The following RPS6KA2 variants were observed in gnomAD, a reference collection of about 807,000 sequenced individuals.
RPS6KA2 encodes the protein ribosomal protein S6 kinase alpha-2.
In RPS6KA2, 42 loss-of-function variants were observed where a neutral mutation model predicts 91.8. That is an observed-to-expected ratio of 0.46 (90% CI 0.36 to 0.59). The LOEUF is 0.59. Among genes scored for constraint, RPS6KA2 ranks in the 20% least tolerant of loss-of-function variants. RPS6KA2 has a pLI of 0.00. For synonymous variants in RPS6KA2, 414 were observed against 393.6 expected, an observed-to-expected ratio of 1.05 and a Z score of -0.61; for missense variants, 798 against 978.5, an observed-to-expected ratio of 0.82 and a Z score of 2.46.
At chr6:166,704,633 A>G (rs1789624225) in intron 2 of RPS6KA2, among the ~76,000 whole-genome samples, 3 of 152,184 alleles carry the variant, frequency 2.0e-5, no homozygotes, top group African/African-American at 7.2e-5. Context: ...CTGTCTGGCC[A>G]TGTGTTTGGG....
chr6:166,560,716 C>G (rs1784317863), intron 1 of RPS6KA2, among the ~76,000 whole-genome samples: 1 of 152,080 alleles, frequency 6.6e-6, no homozygotes, highest in African/African-American at 2.4e-5. Flanking sequence ...AGGGGGTGGC[C>G]TGGGCAGAGG....
intron 2 of RPS6KA2, among the ~76,000 whole-genome samples, chr6:166,646,145 G>A (rs1229502975): frequency 6.6e-6 from 1 of 152,182 alleles, no homozygotes; most frequent in Non-Finnish European, 1.5e-5. Flanking sequence ...CCCAGGGGTG[G>A]CTTGGTTTCC....
Position 166,423,816 on chromosome 6 carries a change from C to T in RPS6KA2, c.1582-399G>A, listed in dbSNP as rs1418633707. On this transcript the variant is annotated intron_variant, in intron 16 of 20. Transcript: ENST00000265678. This position sits in a 1 kb window ranked among gnomAD's most constrained non-coding sequence, Gnocchi z 4.8. ...TAACTACTCCCTGTGTGCCCACCCC[C>T]ATGCACTGTGAGGTGTTGGAGCAGC... The T allele has an allele frequency of 1.2e-5, 2 of 167,322 alleles. No homozygotes were observed. Among genetic ancestry groups the T allele is most frequent in the African/African-American group, 4.8e-5 (2 of 41,782 alleles). The allele number at this position is 167,322 out of a possible 1,614,324, so 10.4% of individuals were successfully genotyped here. A position where few individuals can be genotyped will look rare whatever the true frequency, so the allele number is the denominator to read the frequency against.
rs1780212446 is a variant in RPS6KA2 at position 166,459,711 on chromosome 6, T to G, written c.973-160A>C. Among the ~76,000 whole-genome samples, 1 of 152,210 alleles carries G rather than the reference T, an allele frequency of 6.6e-6. No individual in the cohort carries two copies. Among genetic ancestry groups the G allele is most frequent in the Non-Finnish European group, 1.5e-5 (1 of 68,050 alleles). On this transcript the variant is annotated intron_variant, in intron 11 of 20. Coordinates refer to ENST00000265678, the MANE Select transcript of RPS6KA2 (RefSeq NM_021135.6). The surrounding 1 kb of genome is among the most constrained non-coding windows in gnomAD (Gnocchi z 4.9). ...AGGGATTTCTAAATACTCTGAAATA[T>G]AGATGGCATAAAATATATTATGTGT...
intron 2 of RPS6KA2, among the ~76,000 whole-genome samples, chr6:166,659,926 G>GT (rs1788113408): frequency 7.2e-6 from 1 of 139,012 alleles, no homozygotes; most frequent in Admixed American, 7.2e-5. Context: ...TACATTTTTT[G>GT]TATTTTTTTT....
At chr6:166,539,828 T>C (rs1334947133) in intron 1 of RPS6KA2, among the ~76,000 whole-genome samples, 2 of 152,256 alleles carry the variant, frequency 1.3e-5, no homozygotes, top group African/African-American at 2.4e-5. Flanking sequence ...CGAGCCCAAC[T>C]GTTCCTTGAA....
At chr6:166,681,242 G>A (rs718085) in intron 2 of RPS6KA2, among the ~76,000 whole-genome samples, 27,786 of 152,154 alleles carry the variant, frequency 0.18, 3,256 homozygotes, top group African/African-American at 0.34. Flanking sequence ...CTGAGCTTAA[G>A]AAATAGATGC....
Position 166,490,712 on chromosome 6 carries a change from G to C in RPS6KA2, c.777C>G (p.Phe259Leu). ...MFEMLTGSLP[F>L]QGKDRKETMA... is the part of the protein sequence containing the mutation. ...TGGTCTCCTTCCTGTCCTTCCCCTG[G>C]AACGGCAGGGACCCCGTGAGCATCT... is the stretch of plus-strand genomic sequence containing the variant. Residue 259 changes from phenylalanine to leucine, a missense_variant, in exon 9 of 21, where the codon TTC (phenylalanine) becomes TTG (leucine). By Grantham distance (22) the Phe-to-Leu change is conservative. Coordinates refer to ENST00000265678, the MANE Select transcript of RPS6KA2 (RefSeq NM_021135.6). The surrounding 1 kb of genome is among the most constrained non-coding windows in gnomAD (Gnocchi z 4.2). 6.2e-7 allele frequency: 1 copy of C among 1,612,922 alleles called. No individual in the cohort carries two copies. The highest frequency in any genetic ancestry group is 8.5e-7 in the Non-Finnish European group (1 of 1,179,436).
intron 2 of RPS6KA2, among the ~76,000 whole-genome samples, chr6:166,731,132 C>T (rs941409700): frequency 2.0e-5 from 3 of 152,100 alleles, no homozygotes; most frequent in African/African-American, 4.8e-5. Flanking sequence ...ATCCCAGCTA[C>T]TCGGGAGGTT....
At chr6:166,452,109 T>C (rs9459676) in intron 12 of RPS6KA2, among the ~76,000 whole-genome samples, 12,896 of 152,192 alleles carry the variant, frequency 0.085, 1,079 homozygotes, top group African/African-American at 0.21. Context: ...AACACTTTTG[T>C]CTAATGAACT....
intron 2 of RPS6KA2, among the ~76,000 whole-genome samples, chr6:166,833,927 T>A (rs1780251148): frequency 6.6e-6 from 1 of 151,994 alleles, no homozygotes; most frequent in Non-Finnish European, 1.5e-5. Flanking sequence ...AGGGTTGGGG[T>A]TTCACTATGT....
At chr6:166,744,318 C>T (rs960263705) in intron 2 of RPS6KA2, among the ~76,000 whole-genome samples, 5 of 152,172 alleles carry the variant, frequency 3.3e-5, no homozygotes, top group Admixed American at 1.3e-4. Flanking sequence ...CCTCGGCCAG[C>T]GTGTGCAGGG....
chr6:166,639,342 T>A lies in RPS6KA2; in HGVS notation c.124-100558A>T, dbSNP rs1482089150. ...ATTTGTCAACTGTGCCTTCTACATG[T>A]TTTCCCCGTCTTGCCTTCTTTCCAA... On this transcript the variant is annotated intron_variant, in intron 2 of 21. Coordinates refer to the RPS6KA2 transcript ENST00000503859. This position sits in a 1 kb window ranked among gnomAD's most constrained non-coding sequence, Gnocchi z 4.2. Among the ~76,000 whole-genome samples, 2 of 152,158 alleles carry A rather than the reference T, an allele frequency of 1.3e-5. No individual in the cohort carries two copies. The highest frequency in any genetic ancestry group is 4.8e-5 in the African/African-American group (2 of 41,442).
At chr6:166,667,074 T>C (rs1179235874) in intron 2 of RPS6KA2, among the ~76,000 whole-genome samples, 2 of 151,996 alleles carry the variant, frequency 1.3e-5, no homozygotes, top group Non-Finnish European at 2.9e-5. Flanking sequence ...AGTGGAATGG[T>C]GGCACCAGAG....
intron 1 of RPS6KA2, among the ~76,000 whole-genome samples, chr6:166,590,611 C>G (rs955995698): frequency 6.6e-6 from 1 of 152,182 alleles, no homozygotes. Flanking sequence ...TGCTGCTGCT[C>G]TTGCCCCACA....
intron 8 of RPS6KA2, among the ~76,000 whole-genome samples, chr6:166,497,012 T>C (rs1265671380): frequency 6.6e-6 from 1 of 152,042 alleles, no homozygotes; most frequent in East Asian, 1.9e-4. Context: ...AACCCACACA[T>C]GTGGAAGGGA....
chr6:166,600,485 G>T (rs974322299), intron 1 of RPS6KA2, among the ~76,000 whole-genome samples: 3 of 152,194 alleles, frequency 2.0e-5, no homozygotes, highest in East Asian at 3.9e-4. Flanking sequence ...ATTTTCTTCC[G>T]ATCTAAATTC....
At chr6:166,716,292 T>C (rs1282672020) in intron 2 of RPS6KA2, among the ~76,000 whole-genome samples, 1 of 152,144 alleles carries the variant, frequency 6.6e-6, no homozygotes, top group Non-Finnish European at 1.5e-5. Flanking sequence ...ATGTAAGCTA[T>C]GCGGACATTT....
chr6:166,451,357 G>GTGTGTT, intron 12 of RPS6KA2, 124 bp from the exon 13 acceptor site: 1 of 1,093,604 alleles, frequency 9.1e-7, no homozygotes, highest in Non-Finnish European at 1.3e-6. Flanking sequence ...GTGTGTGTGT[G>GTGTGTT]TGCACGTGGC....
Sources: allele counts gnomAD v4.1 joint callset (sites outside exome capture counted in the v4.1 genomes callset), GRCh38; gene constraint gnomAD v4.1.1; non-coding constraint Gnocchi (gnomAD v3.1); transcripts MANE v1.5; gene names NCBI Gene and HGNC (gene_info 2026-07-23, HGNC 2026-07-21).